The following ELL variants were observed in gnomAD, a reference collection of about 807,000 sequenced individuals.
The protein encoded by ELL is RNA polymerase II elongation factor ELL.
ELL carries 18 observed loss-of-function variants against 64.0 expected under a neutral mutation model. The observed-to-expected ratio is 0.28, with a 90% CI of 0.19 to 0.42. The LOEUF is 0.42. ELL is among the 10% of genes least tolerant of loss of function. The probability of loss-of-function intolerance (pLI) is 1.00; values close to 1 mark genes in which losing one functional copy is unlikely to be tolerated. For missense variants in ELL, 797 were observed against 870.4 expected, an observed-to-expected ratio of 0.92 and a Z score of 1.06; for synonymous variants, 399 against 376.2, an observed-to-expected ratio of 1.06 and a Z score of -0.70.
chr19:18,450,603 T>C lies in ELL; in HGVS notation c.1339A>G (p.Lys447Glu), dbSNP rs559281749. The C allele has an allele frequency of 6.2e-7, 1 of 1,612,172 alleles. No homozygotes were observed. Among genetic ancestry groups the C allele is most frequent in the South Asian group, 1.1e-5 (1 of 90,992 alleles). The change falls in exon 8 of 12, where the codon AAG becomes GAG. Residue 447 changes from lysine to glutamate, a missense_variant. Lys to Glu is a moderately conservative substitution (Grantham distance 56). Transcript: ENST00000262809. ...SRPHGSPSRS[K>E]PKKKSKKHKD... ...TGCTTCTTGGACTTCTTCTTGGGCT[T>C]GCTGCGCGAGGGGCTGCCGTGTGGC...
At position 18,516,416 on chromosome 19, in the gene ELL, C is replaced by T. The variant is rs1976130769; in HGVS notation, c.135+5505G>A. ...GCACTCACTGACTGCCCCACCTATA[C>T]CCCTCACCATCATTAACGTTGACCG... On this transcript the variant is annotated intron_variant, in intron 1 of 11. Transcript: ENST00000262809. Among the ~76,000 whole-genome samples the T allele has an allele frequency of 3.3e-5, 5 of 152,342 alleles. No homozygotes were observed. The South Asian group carries it at 8.3e-4, about 25-fold the overall frequency.
chr19:18,445,904 A>T (rs1459860883), intron 10 of ELL, among the ~76,000 whole-genome samples: 1 of 152,062 alleles, frequency 6.6e-6, no homozygotes, highest in Admixed American at 6.5e-5. Context: ...TTGTGGCAGC[A>T]TGGATGGGCC....
chr19:18,520,369 G>C (rs963968446), intron 1 of ELL, among the ~76,000 whole-genome samples: 1 of 152,190 alleles, frequency 6.6e-6, no homozygotes, highest in Non-Finnish European at 1.5e-5. Context: ...GAGAGGCTCT[G>C]GCTGGTCATG....
intron 1 of ELL, among the ~76,000 whole-genome samples, chr19:18,515,034 G>A (rs369303925): frequency 2.0e-5 from 3 of 152,226 alleles, no homozygotes; most frequent in Admixed American, 1.3e-4. Flanking sequence ...GATGAACTAC[G>A]GCCTTGGCCG....
chr19:18,444,504 C>T lies in ELL; in HGVS notation c.*248G>A. On this transcript the variant is annotated 3_prime_UTR_variant, in exon 12 of 12. Coordinates refer to ENST00000262809, the MANE Select transcript of ELL (RefSeq NM_006532.4). ...ACAGGAGGCTGAACCCCGGAGGCTG[C>T]AGCCAGGGAGGAGGCAGTGGGCTTC... The T allele has an allele frequency of 2.2e-6, 1 of 456,312 alleles. No homozygotes were observed. The highest frequency in any genetic ancestry group is 3.5e-5 in the South Asian group (1 of 28,352). 28.3% of individuals were successfully genotyped at this position (456,312 alleles called of 1,614,324 possible).
intron 11 of ELL, 45 bp downstream of exon 11, chr19:18,445,179 T>C: frequency 9.3e-6 from 15 of 1,611,680 alleles, no homozygotes; most frequent in Non-Finnish European, 1.3e-5. Context: ...TCCCTCCAGC[T>C]CCCATGGCTC....
At chr19:18,473,152 C>T (rs557119290) in intron 1 of ELL, 3 of 671,512 alleles carry the variant, frequency 4.5e-6, no homozygotes, top group Admixed American at 2.1e-5. Flanking sequence ...AACAGGCTGG[C>T]GGAAGGCCCA....
chr19:18,455,588 G>A (rs1230754797), intron 6 of ELL, among the ~76,000 whole-genome samples: 1 of 151,900 alleles, frequency 6.6e-6, no homozygotes, highest in Non-Finnish European at 1.5e-5. Context: ...GCTCACATGT[G>A]TAATCCCAGT....
intron 1 of ELL, among the ~76,000 whole-genome samples, chr19:18,482,463 GT>G (rs746324318): frequency 1.3e-5 from 2 of 151,066 alleles, no homozygotes; most frequent in Admixed American, 6.6e-5. Context: ...TGCCTCCCAA[GT>G]AGCTGGGACT....
rs149447296 is a variant in ELL at position 18,501,104 on chromosome 19, C to G, written c.135+20817G>C. Among the ~76,000 whole-genome samples the G allele has an allele frequency of 1.3e-5, 2 of 152,068 alleles. No homozygotes were observed. The highest frequency in any genetic ancestry group is 4.8e-5 in the African/African-American group (2 of 41,396). ...TGTGGGCGCACACCCAGGAGAAGAA[C>G]GAGCGGGCCACGACACTGTTCTCGC... On this transcript the variant is annotated intron_variant, in intron 1 of 11. Coordinates refer to ENST00000262809, the MANE Select transcript of ELL (RefSeq NM_006532.4). This position sits in a 1 kb window ranked among gnomAD's most constrained non-coding sequence, Gnocchi z 4.5.
chr19:18,520,480 T>C (rs1404498624), intron 1 of ELL, among the ~76,000 whole-genome samples: 2 of 151,342 alleles, frequency 1.3e-5, no homozygotes, highest in East Asian at 1.9e-4. Context: ...ACTTGCTCTT[T>C]CAAAAAAAAA....
intron 1 of ELL, among the ~76,000 whole-genome samples, chr19:18,497,331 G>A (rs1368131172): frequency 6.6e-6 from 1 of 152,222 alleles, no homozygotes; most frequent in Non-Finnish European, 1.5e-5. Context: ...AAACTATGGA[G>A]ACAGTAAGAG....
chr19:18,484,741 C>A (rs1032769070), intron 1 of ELL, among the ~76,000 whole-genome samples: 2 of 152,342 alleles, frequency 1.3e-5, no homozygotes, highest in Middle Eastern at 3.4e-3. Flanking sequence ...AAGAGGAGTG[C>A]AAGAGTTTGG....
At chr19:18,481,152 C>T (rs1975291815) in intron 1 of ELL, among the ~76,000 whole-genome samples, 1 of 152,188 alleles carries the variant, frequency 6.6e-6, no homozygotes, top group Non-Finnish European at 1.5e-5. Context: ...TGACCCTCCC[C>T]GCACCCTCAG....
chr19:18,490,453 T>TC (rs1975504114), intron 1 of ELL, among the ~76,000 whole-genome samples: 1 of 152,168 alleles, frequency 6.6e-6, no homozygotes, highest in Non-Finnish European at 1.5e-5. Flanking sequence ...CACATTGTCC[T>TC]CCCCGCAGCG....
At chr19:18,508,304 C>G (rs1374450350) in intron 1 of ELL, among the ~76,000 whole-genome samples, 1 of 152,126 alleles carries the variant, frequency 6.6e-6, no homozygotes, top group Non-Finnish European at 1.5e-5. Flanking sequence ...GCAAGACCCT[C>G]TCTCTAAAAA....
At chr19:18,491,761 C>A (rs1335736673) in intron 1 of ELL, among the ~76,000 whole-genome samples, 1 of 151,408 alleles carries the variant, frequency 6.6e-6, no homozygotes, top group Non-Finnish European at 1.5e-5. Flanking sequence ...CAAAAAAAAA[C>A]AAAAGATTAG....
intron 5 of ELL, among the ~76,000 whole-genome samples, chr19:18,461,062 C>G (rs1351339382): frequency 6.6e-6 from 1 of 152,218 alleles, no homozygotes; most frequent in African/African-American, 2.4e-5. Flanking sequence ...GCACCACATT[C>G]CAGATGGCCT....
intron 1 of ELL, among the ~76,000 whole-genome samples, chr19:18,493,098 T>A (rs995539976): frequency 6.6e-6 from 1 of 152,026 alleles, no homozygotes; most frequent in Non-Finnish European, 1.5e-5. Context: ...GCTGCCTTCA[T>A]CTTCCCCTCC....
Sources: gnomAD v4.1 joint callset for allele counts (sites outside exome capture counted in the v4.1 genomes callset) on GRCh38, gnomAD v4.1.1 for gene constraint, Gnocchi (gnomAD v3.1) non-coding constraint, MANE v1.5 for transcripts, NCBI Gene and HGNC (gene_info 2026-07-23, HGNC 2026-07-21) for gene names.